Variants in PKP4 observed in about 807,000 individuals in gnomAD.
PKP4 encodes the protein plakophilin 4, also known as plakophilin-4.
Under a neutral mutation model 145.1 loss-of-function variants are expected in PKP4, and 90 were observed. The ratio of observed to expected loss-of-function variants is 0.62; its 90% confidence interval spans 0.52 to 0.74. The LOEUF (loss-of-function observed/expected upper bound fraction) is 0.74. PKP4 is among the 30% of genes least tolerant of loss of function. The probability of loss-of-function intolerance (pLI) is 0.00; values close to 1 mark genes in which losing one functional copy is unlikely to be tolerated. For missense variants in PKP4, 1,340 were observed against 1,482.7 expected, an observed-to-expected ratio of 0.90 and a Z score of 1.58; for synonymous variants, 563 against 577.2, an observed-to-expected ratio of 0.98 and a Z score of 0.35.
Position 158,661,303 on chromosome 2 carries a change from C to G in PKP4, c.2094-30C>G, listed in dbSNP as rs752721942. On this transcript the variant is annotated intron_variant, in intron 12 of 21. Transcript: ENST00000389759. ...TGGCTGATGAGTGCATGGTTCATCT[C>G]AGCAGCTCCTCCTGTCTCCACCCCT... The G allele has an allele frequency of 5.3e-6, 8 of 1,512,402 alleles. No homozygotes were observed. In the Admixed American group the frequency reaches 1.3e-4, roughly 25 times the overall value. 93.7% of individuals were successfully genotyped at this position (1,512,402 alleles called of 1,614,324 possible). A position where few individuals can be genotyped will look rare whatever the true frequency, so the allele number is the denominator to read the frequency against.
chr2:158,662,750 T>G, intron 13 of PKP4, 147 bp from the exon 14 acceptor site: 1 of 609,088 alleles, frequency 1.6e-6, no homozygotes, highest in South Asian at 3.3e-5. Flanking sequence ...GAATCATAAT[T>G]CTCTCTTCAG....
Position 158,625,220 on chromosome 2 carries a change from C to G in PKP4, c.946C>G (p.Leu316Val). 2 of 1,614,202 alleles carry G rather than the reference C, an allele frequency of 1.2e-6. No individual in the cohort carries two copies. Among genetic ancestry groups the G allele is most frequent in the Non-Finnish European group, 1.7e-6 (2 of 1,180,048 alleles). The change falls in exon 7 of 22, where the codon CTG (leucine) becomes GTG (valine). Residue 316 changes from leucine (L) to valine (V), a missense_variant. Leu to Val is a conservative substitution (Grantham distance 32). Transcript: ENST00000389759. The part of the protein sequence containing the change: ...YQTTARVGSP[L>V]TLTDAQTRVA... The stretch of plus-strand genomic sequence containing the variant: ...AACCACCGCCAGAGTGGGGTCCCCA[C>G]TGACCCTGACGGATGCACAGACTCG...
At position 158,634,270 on chromosome 2, in the gene PKP4, A is replaced by C; in HGVS notation, c.1543A>C (p.Ser515Arg). 1 of 1,614,040 alleles carries C rather than the reference A, an allele frequency of 6.2e-7. No homozygotes were observed. Residue 515 changes from serine to arginine, a missense_variant, in exon 9 of 22, where the codon AGC becomes CGC. Coordinates refer to ENST00000389759, the MANE Select transcript of PKP4 (RefSeq NM_003628.6). Reference protein sequence around the residue: ...DGTTRSPSIDSIQKDPREFAW... With the variant: ...DGTTRSPSIDRIQKDPREFAW... Reference sequence around the variant, plus strand: ...CACCACAAGATCCCCATCAATAGACAGCATTCAGAAGGACCCCAGGCGAGT... The same window carrying C: ...CACCACAAGATCCCCATCAATAGACCGCATTCAGAAGGACCCCAGGCGAGT...
chr2:158,666,457 C>T lies in PKP4; in HGVS notation c.2622C>T (p.Leu874=). ...CGGCCGTCCGAAAAGAAAAGGGGCT[C>T]CCCATCCTTGTGGAGCTTCTGAGAA... ...IRAAVRKEKG[L]PILVELLRMD... is the part of the protein sequence containing the mutation. Residue 874 remains leucine (L), a synonymous_variant, in exon 16 of 22, where the codon CTC becomes CTT. Transcript: ENST00000389759. The T allele has an allele frequency of 1.2e-6, 2 of 1,611,390 alleles. No homozygotes were observed. Among genetic ancestry groups the T allele is most frequent in the Non-Finnish European group, 8.5e-7 (1 of 1,179,200 alleles).
chr2:158,680,495 T>C lies in PKP4; in HGVS notation c.3397T>C (p.Leu1133=). The part of the protein sequence containing the change: ...RKNFDAYRLY[L]QSPHSYEDPY... ...GAACTTTGATGCATACAGATTGTAT[T>C]TGCAGTCTCCTCATAGCTATGAAGA... The change falls in exon 22 of 22, where the codon TTG becomes CTG. Residue 1133 remains leucine (L), a synonymous_variant. Transcript: ENST00000389759. 6 of 1,613,430 alleles carry C rather than the reference T, an allele frequency of 3.7e-6. No homozygotes were observed. Among genetic ancestry groups the C allele is most frequent in the Non-Finnish European group, 2.5e-6 (3 of 1,179,324 alleles).
At chr2:158,670,513 G>T (rs1199986967) in intron 17 of PKP4, among the ~76,000 whole-genome samples, 1 of 152,172 alleles carries the variant, frequency 6.6e-6, no homozygotes, top group Admixed American at 6.5e-5. Context: ...CAGACCTTCA[G>T]ACCATAGCAG....
chr2:158,577,952 C>G (rs2048000512), intron 3 of PKP4, among the ~76,000 whole-genome samples: 2 of 152,072 alleles, frequency 1.3e-5, no homozygotes, highest in Non-Finnish European at 1.5e-5. Context: ...TATTTAAAAG[C>G]ATAATTCCTG....
At chr2:158,462,555 G>A (rs1689931477) in intron 1 of PKP4, among the ~76,000 whole-genome samples, 1 of 152,114 alleles carries the variant, frequency 6.6e-6, no homozygotes, top group Admixed American at 6.5e-5. Flanking sequence ...GGGAAGTGAG[G>A]GGAAGGGATG....
chr2:158,669,699 T>G, intron 16 of PKP4, 21 bp from the exon 17 acceptor site: 1 of 1,506,008 alleles, frequency 6.6e-7, no homozygotes, highest in South Asian at 1.4e-5. Context: ...GAAGTAGAAT[T>G]TACTCTTTTG....
chr2:158,579,486 C>T (rs2048144288), intron 3 of PKP4, among the ~76,000 whole-genome samples: 1 of 148,420 alleles, frequency 6.7e-6, no homozygotes, highest in Non-Finnish European at 1.5e-5. Context: ...CATAAAAAAA[C>T]TTGACCATGA....
chr2:158,624,603 G>C (rs2052570945), intron 6 of PKP4, among the ~76,000 whole-genome samples: 1 of 144,050 alleles, frequency 6.9e-6, no homozygotes, highest in African/African-American at 2.6e-5. Context: ...AAAATGTAAA[G>C]ATAAAAAAGG....
At position 158,681,043 on chromosome 2, in the gene PKP4, AAAAAT is replaced by A. The variant is rs1488891354; in HGVS notation, c.*372_*376del. On this transcript the variant is annotated 3_prime_UTR_variant, in exon 22 of 22. Coordinates refer to ENST00000389759, the MANE Select transcript of PKP4 (RefSeq NM_003628.6). Reference sequence around the variant, plus strand: ...GTTATGTTCTGATAGTTTGTACAGAAAAAATAAAATGGATGCCCATGTTTTATTGC... The same window carrying A: ...GTTATGTTCTGATAGTTTGTACAGAAAAAATGGATGCCCATGTTTTATTGC... The A allele has an allele frequency of 4.0e-5, 7 of 176,282 alleles. No individual in the cohort carries two copies. Among genetic ancestry groups the A allele is most frequent in the Non-Finnish European group, 7.2e-5 (6 of 83,224 alleles). The allele number at this position is 176,282 out of a possible 1,614,324, so 10.9% of individuals were successfully genotyped here. A position where few individuals can be genotyped will look rare whatever the true frequency, so the allele number is the denominator to read the frequency against.
chr2:158,636,176 A>C (rs902917287), intron 9 of PKP4, among the ~76,000 whole-genome samples: 7 of 152,096 alleles, frequency 4.6e-5, no homozygotes, highest in Admixed American at 4.6e-4. Context: ...CTTTGGCCTA[A>C]AGAACTTCCT....
chr2:158,561,096 C>T (rs192426468), intron 2 of PKP4, among the ~76,000 whole-genome samples: 27 of 152,234 alleles, frequency 1.8e-4, no homozygotes, highest in East Asian at 3.9e-4. Context: ...TATTTGATGA[C>T]GCCTGAAAAT....
intron 7 of PKP4, among the ~76,000 whole-genome samples, chr2:158,628,899 T>C (rs2053078562): frequency 6.6e-6 from 1 of 152,180 alleles, no homozygotes; most frequent in Non-Finnish European, 1.5e-5. Flanking sequence ...GTGTAAATGA[T>C]CCTCAGTGTC....
rs570891353 is a variant in PKP4, at chr2:158,634,156, A to T, written c.1429A>T (p.Thr477Ser). The T allele has an allele frequency of 3.2e-5, 51 of 1,613,986 alleles. No homozygotes were observed. Among genetic ancestry groups the T allele is most frequent in the Admixed American group, 8.3e-5 (5 of 60,020 alleles). Residue 477 changes from threonine to serine, a missense_variant, in exon 9 of 22, where the codon ACC becomes TCC. Coordinates refer to ENST00000389759, the MANE Select transcript of PKP4 (RefSeq NM_003628.6). ...TAATTATGCTCTGAACACAACAGCTACCTACGCGGAGCCCTACAGGCCTAT... is the reference window on the plus strand; with the variant it reads ...TAATTATGCTCTGAACACAACAGCTTCCTACGCGGAGCCCTACAGGCCTAT... ...RNNYALNTTA[T>S]YAEPYRPIQY...
intron 1 of PKP4, among the ~76,000 whole-genome samples, chr2:158,462,795 C>T (rs536120337): frequency 6.6e-6 from 1 of 152,180 alleles, no homozygotes; most frequent in Admixed American, 6.5e-5. Flanking sequence ...TCTCTGTGGT[C>T]CTCGTTTTGC....
At chr2:158,592,679 G>A (rs2049377867) in intron 3 of PKP4, among the ~76,000 whole-genome samples, 1 of 152,026 alleles carries the variant, frequency 6.6e-6, no homozygotes, top group African/African-American at 2.4e-5. Flanking sequence ...ACACACACCA[G>A]ATTTAATAGT....
chr2:158,662,882 C>T lies in PKP4; in HGVS notation c.2212-15C>T. The T allele has an allele frequency of 6.3e-7, 1 of 1,582,348 alleles. No individual in the cohort carries two copies. Among genetic ancestry groups the T allele is most frequent in the South Asian group, 1.1e-5 (1 of 87,986 alleles). On this transcript the variant is annotated splice_polypyrimidine_tract_variant and intron_variant, in intron 13 of 21. Coordinates refer to ENST00000389759, the MANE Select transcript of PKP4 (RefSeq NM_003628.6). ...TGCCGAGTTGTTTTTAATTATACGC[C>T]ATGCTGGGTTTCAGACGGTGGAGAA...
Sources: gnomAD v4.1 joint callset for allele counts (sites outside exome capture counted in the v4.1 genomes callset) on GRCh38, gnomAD v4.1.1 for gene constraint, MANE v1.5 for transcripts, NCBI Gene and HGNC (gene_info 2026-07-23, HGNC 2026-07-21) for gene names.